The following ABTB2 variants were observed in gnomAD, a reference collection of about 807,000 sequenced individuals.
The protein encoded by ABTB2 is ankyrin repeat and BTB domain containing 2, also known as ankyrin repeat and BTB/POZ domain-containing protein 2.
Under a neutral mutation model 104.1 loss-of-function variants are expected in ABTB2, and 56 were observed. The observed-to-expected ratio is 0.54, with a 90% confidence interval of 0.43 to 0.67. The LOEUF (loss-of-function observed/expected upper bound fraction) is 0.67, where lower values mean the gene tolerates loss of function less well. ABTB2 is among the 30% of genes least tolerant of loss of function. ABTB2 has a pLI of 0.00. For missense variants in ABTB2, 1,279 were observed against 1,407.7 expected (o/e 0.91, Z 1.46); for synonymous variants, 606 against 608.2 (o/e 1.00, Z 0.05).
At chr11:34,203,051 T>A (rs1853364150) in intron 2 of ABTB2, among the ~76,000 whole-genome samples, 1 of 152,076 alleles carries the variant, frequency 6.6e-6, no homozygotes. Context: ...GGGGTTGTAA[T>A]GGGCATGAGG....
intron 2 of ABTB2, among the ~76,000 whole-genome samples, chr11:34,202,147 T>A (rs1276768170): frequency 6.6e-6 from 1 of 152,116 alleles, no homozygotes; most frequent in Non-Finnish European, 1.5e-5. Flanking sequence ...ATAATACATG[T>A]CAAGTGGTGA....
intron 2 of ABTB2, 38 bp from the exon 3 acceptor site, chr11:34,197,576 A>G (rs1216244142): frequency 1.1e-5 from 15 of 1,387,530 alleles, no homozygotes; most frequent in Middle Eastern, 2.4e-4. Context: ...GAGGAAGAGA[A>G]AAAAAGAAGA....
intron 1 of ABTB2, chr11:34,335,213 C>G (rs1341114875): frequency 2.4e-6 from 3 of 1,267,880 alleles, no homozygotes; most frequent in Non-Finnish European, 3.5e-6. Flanking sequence ...TATGACGAAT[C>G]ACTTTAAGCA....
intron 3 of ABTB2, among the ~76,000 whole-genome samples, chr11:34,195,912 G>A (rs71480999): frequency 0.021 from 3,179 of 152,314 alleles, 51 homozygotes; most frequent in Non-Finnish European, 0.034. Flanking sequence ...GGACAGCCAG[G>A]CAAGGGGACT....
At chr11:34,307,097 G>T (rs993065400) in intron 1 of ABTB2, among the ~76,000 whole-genome samples, 12 of 151,618 alleles carry the variant, frequency 7.9e-5, no homozygotes, top group Admixed American at 2.6e-4. Flanking sequence ...GAATGAATTC[G>T]TCTGTTAGAT....
chr11:34,196,145 C>T (rs991103606), intron 3 of ABTB2, among the ~76,000 whole-genome samples: 1 of 152,164 alleles, frequency 6.6e-6, no homozygotes, highest in Non-Finnish European at 1.5e-5. Flanking sequence ...AAGCAGTGGC[C>T]TCCATGTGAG....
chr11:34,226,256 C>A (rs1017475441), intron 1 of ABTB2, among the ~76,000 whole-genome samples: 2 of 150,022 alleles, frequency 1.3e-5, no homozygotes, highest in East Asian at 1.9e-4. Context: ...AGTTTTATTG[C>A]CTCAAATAAA....
Position 34,331,701 on chromosome 11 carries a change from C to T in ABTB2, c.883+25000G>A, listed in dbSNP as rs540925076. 2.0e-5 allele frequency among the ~76,000 whole-genome samples: 3 copies of T among 152,328 alleles called. No individual in the cohort carries two copies. In the South Asian group the frequency reaches 6.2e-4, roughly 32 times the overall value. On this transcript the variant is annotated intron_variant, in intron 1 of 16. Coordinates refer to ENST00000435224, the MANE Select transcript of ABTB2 (RefSeq NM_145804.3). ...TGATAAATGAATCTTCCCATCCAGC[C>T]TCTTTCACTCACCCAGAAGAAGTGA...
At chr11:34,258,616 T>G (rs1012527795) in intron 1 of ABTB2, among the ~76,000 whole-genome samples, 13 of 128,562 alleles carry the variant, frequency 1.0e-4, no homozygotes, top group African/African-American at 2.0e-4. Context: ...TTTTTTTTTT[T>G]TTTTTTTTTT....
Position 34,154,355 on chromosome 11 carries a change from G to C in ABTB2, c.2790C>G (p.Phe930Leu). The change falls in exon 16 of 17, where the codon TTC (phenylalanine) becomes TTG (leucine). Residue 930 changes from phenylalanine (F) to leucine (L), a missense_variant. Physicochemically the swap from Phe to Leu is conservative, Grantham distance 22 (BLOSUM62 0). Transcript: ENST00000435224. The surrounding 1 kb of genome is among the most constrained non-coding windows in gnomAD (Gnocchi z 4.9). ...ILELLSAASLFQLDALQRHCE... is the reference protein window; with the variant it reads ...ILELLSAASLLQLDALQRHCE... ...AGTGCCTCTGCAGGGCATCCAGCTGGAACAGGCTGGCAGCTGACAGCAGCT... is the reference window on the plus strand; with the variant it reads ...AGTGCCTCTGCAGGGCATCCAGCTGCAACAGGCTGGCAGCTGACAGCAGCT... 1 of 1,613,518 alleles carries C rather than the reference G, an allele frequency of 6.2e-7. No homozygotes were observed. The highest frequency in any genetic ancestry group is 8.5e-7 in the Non-Finnish European group (1 of 1,179,852).
intron 1 of ABTB2, among the ~76,000 whole-genome samples, chr11:34,233,014 A>G (rs1590224763): frequency 6.8e-6 from 1 of 146,478 alleles, no homozygotes; most frequent in South Asian, 2.2e-4. Context: ...AACATATACT[A>G]CCCCCTCCAT....
intron 1 of ABTB2, among the ~76,000 whole-genome samples, chr11:34,213,463 A>C (rs1853509014): frequency 6.6e-6 from 1 of 152,196 alleles, no homozygotes; most frequent in Non-Finnish European, 1.5e-5. Context: ...CCTGGGCAAG[A>C]GAGCGAGACG....
At chr11:34,336,127 C>G (rs1855190969) in intron 1 of ABTB2, 1 of 261,144 alleles carries the variant, frequency 3.8e-6, no homozygotes, top group South Asian at 6.5e-5. Flanking sequence ...TTTAATTTCT[C>G]TACATTGTAT....
At chr11:34,193,165 C>G (rs751827995) in intron 3 of ABTB2, among the ~76,000 whole-genome samples, 2 of 152,246 alleles carry the variant, frequency 1.3e-5, no homozygotes, top group African/African-American at 2.4e-5. Flanking sequence ...CCCTGGGCAA[C>G]CTGGATCCCT....
chr11:34,204,102 T>A (rs1024798912), intron 2 of ABTB2, among the ~76,000 whole-genome samples: 20 of 152,190 alleles, frequency 1.3e-4, no homozygotes, highest in African/African-American at 4.8e-4. Flanking sequence ...AGGGGCTCTA[T>A]TGTTATCTTC....
In ABTB2 at chr11:34,152,577, T is replaced by C. The variant is rs114282348; in HGVS notation, c.2888A>G (p.Asn963Ser). 31 of 1,612,396 alleles carry C rather than the reference T, an allele frequency of 1.9e-5. No homozygotes were observed. The highest frequency in any genetic ancestry group is 4.5e-5 in the East Asian group (2 of 44,830). Reference sequence around the variant, plus strand: ...ACAGAACAGGGCCAGTTCTGGGGCATTGTGGATCTGTAGGGCAGAGAGAGG... The same window carrying C: ...ACAGAACAGGGCCAGTTCTGGGGCACTGTGGATCTGTAGGGCAGAGAGAGG... Reference protein sequence around the residue: ...VNTYKYAKIHNAPELALFCEG... With the variant: ...VNTYKYAKIHSAPELALFCEG... Residue 963 changes from asparagine (N) to serine (S), a missense_variant, in exon 17 of 17, where the codon AAT (asparagine) becomes AGT (serine). By Grantham distance (46) the Asn-to-Ser change is conservative. Transcript: ENST00000435224.
At chr11:34,193,889 C>T (rs1853214784) in intron 3 of ABTB2, among the ~76,000 whole-genome samples, 1 of 152,216 alleles carries the variant, frequency 6.6e-6, no homozygotes, top group Non-Finnish European at 1.5e-5. Flanking sequence ...GTTCCTGCTG[C>T]TTCTGCCCCT....
At chr11:34,225,375 G>A (rs747915510) in intron 1 of ABTB2, among the ~76,000 whole-genome samples, 2 of 152,234 alleles carry the variant, frequency 1.3e-5, no homozygotes, top group Non-Finnish European at 2.9e-5. Flanking sequence ...GTCGCCAGCT[G>A]TAAACAATAG....
intron 14 of ABTB2, 77 bp downstream of exon 14, chr11:34,159,219 T>C (rs1190750603): frequency 1.8e-6 from 2 of 1,088,424 alleles, no homozygotes; most frequent in Non-Finnish European, 1.4e-6. Context: ...TGACAACCAA[T>C]GCACAGCTGC....
Sources: allele counts gnomAD v4.1 joint callset (sites outside exome capture counted in the v4.1 genomes callset), GRCh38; gene constraint gnomAD v4.1.1; non-coding constraint Gnocchi (gnomAD v3.1); transcripts MANE v1.5; gene names NCBI Gene and HGNC (gene_info 2026-07-23, HGNC 2026-07-21).